COLQ: variants seen among roughly 807,000 people sequenced by gnomAD.
COLQ encodes the protein acetylcholinesterase collagenic tail peptide.
Under a neutral mutation model 69.0 loss-of-function variants are expected in COLQ, and 48 were observed. The ratio of observed to expected loss-of-function variants is 0.70; its 90% CI spans 0.55 to 0.88. The LOEUF (loss-of-function observed/expected upper bound fraction) is 0.88, where lower values mean the gene tolerates loss of function less well. COLQ is among the 40% of genes least tolerant of loss of function. COLQ has a pLI of 0.00. For missense variants in COLQ, 618 were observed against 594.6 expected, an observed-to-expected ratio of 1.04 and a Z score of -0.41; for synonymous variants, 217 against 211.2, an observed-to-expected ratio of 1.03 and a Z score of -0.24.
chr3:15,466,732 CT>C (rs1399970373), intron 11 of COLQ, among the ~76,000 whole-genome samples: 5 of 152,182 alleles, frequency 3.3e-5, no homozygotes, highest in African/African-American at 7.2e-5. Context: ...AAATGGAGGC[CT>C]AGAAATGAGC....
intron 5 of COLQ, 30 bp downstream of exon 5, chr3:15,478,947 G>A (rs759501195): frequency 6.2e-7 from 1 of 1,614,100 alleles, no homozygotes; most frequent in Non-Finnish European, 8.5e-7. Flanking sequence ...AGACGCTCAT[G>A]TGACACTCAC....
intron 1 of COLQ, among the ~76,000 whole-genome samples, chr3:15,490,802 CTTTGGAAA>C (rs558044059): frequency 2.6e-5 from 4 of 152,220 alleles, no homozygotes; most frequent in Non-Finnish European, 4.4e-5. Context: ...GATCCAACCT[CTTTGGAAA>C]ATTGCTTGTT....
intron 3 of COLQ, among the ~76,000 whole-genome samples, chr3:15,485,489 G>A (rs1273234529): frequency 6.6e-6 from 1 of 152,198 alleles, no homozygotes; most frequent in East Asian, 1.9e-4. Flanking sequence ...ATAGACTGGA[G>A]CTCTTCCTAT....
In COLQ at chr3:15,467,289, A is replaced by G. The variant is rs142341591; in HGVS notation, c.718-852T>C. Among the ~76,000 whole-genome samples the G allele has an allele frequency of 4.1e-3, 620 of 152,362 alleles. 7 individuals carry two copies. Among genetic ancestry groups the G allele is most frequent in the African/African-American group, 0.014 (576 of 41,576 alleles). On this transcript the variant is annotated intron_variant, in intron 11 of 16. Transcript: ENST00000383788. ...TTGACCTTGAGACTCCAGGTAACTCATGTCATTGCTTTGTACCTCAGTTTT... is the reference window on the plus strand; with the variant it reads ...TTGACCTTGAGACTCCAGGTAACTCGTGTCATTGCTTTGTACCTCAGTTTT...
At chr3:15,516,332 C>G (rs898123771) in intron 1 of COLQ, among the ~76,000 whole-genome samples, 7 of 152,104 alleles carry the variant, frequency 4.6e-5, no homozygotes, top group African/African-American at 1.7e-4. Context: ...CAGGGGAGCA[C>G]GGGGCTGGAC....
intron 15 of COLQ, among the ~76,000 whole-genome samples, 163 bp downstream of exon 15, chr3:15,455,736 T>C (rs2062014164): frequency 6.6e-6 from 1 of 152,118 alleles, no homozygotes; most frequent in African/African-American, 2.4e-5. Context: ...GGGCTGAAAC[T>C]GGGGCAGCAG....
At chr3:15,486,332 T>C (rs1350764940) in intron 3 of COLQ, among the ~76,000 whole-genome samples, 1 of 152,166 alleles carries the variant, frequency 6.6e-6, no homozygotes, top group African/African-American at 2.4e-5. Context: ...GGGATGACAT[T>C]CTGCATTTCT....
chr3:15,510,481 G>A (rs2062970241), intron 1 of COLQ, among the ~76,000 whole-genome samples: 1 of 120,958 alleles, frequency 8.3e-6, no homozygotes, highest in Non-Finnish European at 1.7e-5. Flanking sequence ...AGCCAAGGCA[G>A]GTGGATCGCT....
At chr3:15,454,698 CAG>C (rs2062001801) in intron 15 of COLQ, among the ~76,000 whole-genome samples, 1 of 145,818 alleles carries the variant, frequency 6.9e-6, no homozygotes, top group African/African-American at 2.7e-5. Flanking sequence ...CTCTGTTTCC[CAG>C]CCTGGAGTGC....
At chr3:15,461,197 CG>C (rs202062736) in intron 12 of COLQ, among the ~76,000 whole-genome samples, 23 of 148,634 alleles carry the variant, frequency 1.5e-4, no homozygotes, top group East Asian at 4.2e-4. Context: ...ATTCCCCCCC[CG>C]ACCTCTTAGC....
At chr3:15,457,753 C>T (rs1347721366) in intron 13 of COLQ, among the ~76,000 whole-genome samples, 2 of 152,076 alleles carry the variant, frequency 1.3e-5, no homozygotes, top group Non-Finnish European at 2.9e-5. Context: ...GCTGAGACAA[C>T]AGGCGTGCAC....
chr3:15,505,813 A>G (rs1179957639), intron 1 of COLQ, among the ~76,000 whole-genome samples: 1 of 152,242 alleles, frequency 6.6e-6, no homozygotes, highest in African/African-American at 2.4e-5. Context: ...CTGCGTGGAA[A>G]GACCCTGTGC....
chr3:15,467,265 T>C (rs1234775710), intron 11 of COLQ, among the ~76,000 whole-genome samples: 2 of 152,252 alleles, frequency 1.3e-5, no homozygotes, highest in African/African-American at 4.8e-5. Context: ...GGTTTCACCT[T>C]GACCTTGAGA....
intron 1 of COLQ, among the ~76,000 whole-genome samples, chr3:15,507,170 T>A (rs1169820098): frequency 6.6e-6 from 1 of 152,188 alleles, no homozygotes; most frequent in Non-Finnish European, 1.5e-5. Flanking sequence ...TCTGCCCCCA[T>A]TGATGTGCAT....
At chr3:15,519,151 G>A (rs545310324) in intron 1 of COLQ, among the ~76,000 whole-genome samples, 1 of 149,482 alleles carries the variant, frequency 6.7e-6, no homozygotes, top group East Asian at 2.2e-4. Context: ...GTGATACTGA[G>A]CTGGTTACCT....
intron 14 of COLQ, 87 bp downstream of exon 14, chr3:15,456,373 G>A: frequency 6.4e-7 from 1 of 1,572,872 alleles, no homozygotes; most frequent in Non-Finnish European, 8.7e-7. Context: ...CCCTCCCCAG[G>A]CCCAGTGGGG....
intron 1 of COLQ, among the ~76,000 whole-genome samples, chr3:15,491,170 T>A: frequency 6.6e-6 from 1 of 151,886 alleles, no homozygotes; most frequent in East Asian, 1.9e-4. Context: ...AAATTTCTCT[T>A]GAAATGGCCC....
chr3:15,465,059 A>G (rs923816187), intron 12 of COLQ, among the ~76,000 whole-genome samples: 19 of 151,866 alleles, frequency 1.3e-4, no homozygotes, highest in African/African-American at 4.6e-4. Flanking sequence ...CTGTAATCCC[A>G]TCTACTCAGG....
Position 15,477,125 on chromosome 3 carries a change from C to T in COLQ, c.465+1G>A, listed in dbSNP as rs1319999677. 1.3e-6 allele frequency: 2 copies of T among 1,599,688 alleles called. No homozygotes were observed. ...GAGCCCTGAGAGCATGCCACACTTA[C>T]CCTGGGTCCTTCAGGGCCTGGCCAA... On this transcript the variant is annotated splice_donor_variant, in intron 6 of 16. Coordinates refer to ENST00000383788, the MANE Select transcript of COLQ (RefSeq NM_005677.4). LOFTEE classifies it high-confidence loss of function.
Sources: allele counts gnomAD v4.1 joint callset (sites outside exome capture counted in the v4.1 genomes callset), GRCh38; gene constraint gnomAD v4.1.1; transcripts MANE v1.5; gene names NCBI Gene and HGNC (gene_info 2026-07-23, HGNC 2026-07-21).